Variants in CIAO3 observed in about 807,000 individuals in gnomAD.
CIAO3 encodes the protein cytosolic iron-sulfur assembly component 3, also known as LET1 like/JFP15.
A neutral mutation model predicts 51.5 loss-of-function variants in CIAO3; 45 were observed. The observed-to-expected ratio is 0.87, with a 90% confidence interval of 0.69 to 1.12. The LOEUF (loss-of-function observed/expected upper bound fraction) is 1.12. Among genes scored for constraint, CIAO3 ranks in the 50% most tolerant of loss-of-function variants. CIAO3 has a pLI of 0.00. For synonymous variants in CIAO3, 314 were observed against 269.3 expected (o/e 1.17, Z -1.63); for missense variants, 668 against 632.5 (o/e 1.06, Z -0.60).
chr16:736,722 G>A (rs1296345204), intron 3 of CIAO3, among the ~76,000 whole-genome samples: 1 of 152,068 alleles, frequency 6.6e-6, no homozygotes, highest in South Asian at 2.1e-4. Flanking sequence ...GGTGTGTAAT[G>A]GCGCAATCTC....
In CIAO3 at chr16:737,402, C is replaced by T. The variant is rs1248239282; in HGVS notation, c.163-73G>A. ...ACATGGAGACAGAGGATAGTGGAGT[C>T]CAGCTCATAACCGACAACCAACATG... On this transcript the variant is annotated intron_variant, in intron 2 of 10. Transcript: ENST00000251588. The surrounding 1 kb of genome is among the most constrained non-coding windows in gnomAD (Gnocchi z 5.3). 1 of 1,599,292 alleles carries T rather than the reference C, an allele frequency of 6.3e-7. No homozygotes were observed.
At chr16:740,561 A>T in intron 1 of CIAO3, 1 of 354,328 alleles carries the variant, frequency 2.8e-6, no homozygotes. Context: ...GCTGCGACCC[A>T]GGGGTCGGGT....
At chr16:739,841 C>CCTGGCAGAGCCTTCAGGCTG in intron 1 of CIAO3, 103 bp from the exon 2 acceptor site, 1 of 1,317,900 alleles carries the variant, frequency 7.6e-7, no homozygotes, top group Non-Finnish European at 1.1e-6. Context: ...CCTGAAGGCT[C>CCTGGCAGAGCCTTCAGGCTG]TGCCAGGAGC....
intron 10 of CIAO3, 33 bp from the exon 11 acceptor site, chr16:730,688 C>T (rs1223985166): frequency 3.1e-6 from 5 of 1,594,306 alleles, no homozygotes; most frequent in Non-Finnish European, 4.3e-6. Flanking sequence ...GGGGTCACAG[C>T]CTGCGCCCCA....
rs150311222 is a variant in CIAO3 at position 730,558 on chromosome 16, C to A, written c.1290G>T (p.Glu430Asp). The change falls in exon 11 of 11, where the codon GAG becomes GAT. Residue 430 changes from glutamate to aspartate, a missense_variant. Transcript: ENST00000251588. ...GAACCCCAGGCGCGTCCTCGGGCGC[C>A]TCAGCCCGGACCATGCCGTACAGTC... ...VERLYGMVRA[E>D]APEDAPGVQE... The A allele has an allele frequency of 5.0e-5, 81 of 1,610,874 alleles. No individual in the cohort carries two copies. The highest frequency in any genetic ancestry group is 4.4e-5 in the Non-Finnish European group (52 of 1,180,000).
chr16:731,107 G>T, intron 9 of CIAO3, 107 bp from the exon 10 acceptor site: 1 of 1,421,924 alleles, frequency 7.0e-7, no homozygotes. Context: ...TACCTCCCAG[G>T]GCTCTCTCCC....
intron 4 of CIAO3, chr16:735,379 C>T (rs916683485): frequency 2.6e-5 from 4 of 154,486 alleles, no homozygotes; most frequent in Non-Finnish European, 5.7e-5. Flanking sequence ...CCTGATCGTG[C>T]CCTGGACCCA....
At chr16:739,871 G>A (rs1372539535) in intron 1 of CIAO3, 133 bp from the exon 2 acceptor site, 3 of 1,219,322 alleles carry the variant, frequency 2.5e-6, no homozygotes, top group Non-Finnish European at 3.5e-6. Context: ...AGGGACTGAG[G>A]CTGGTCCCAC....
rs554703680 is a variant in CIAO3, at chr16:730,107, C to T, written c.*310G>A. The T allele has an allele frequency of 5.5e-5, 27 of 490,754 alleles. No individual in the cohort carries two copies. The highest frequency in any genetic ancestry group is 1.9e-4 in the African/African-American group (10 of 51,556). 30.4% of individuals were successfully genotyped at this position (490,754 alleles called of 1,614,324 possible). ...GAAGCCCCTCACGCACTTGGGTGCCCGACCAGCAGCAGCAAGGGCAGCACC... is the reference window on the plus strand; with the variant it reads ...GAAGCCCCTCACGCACTTGGGTGCCTGACCAGCAGCAGCAAGGGCAGCACC... On this transcript the variant is annotated 3_prime_UTR_variant, in exon 11 of 11. Coordinates refer to ENST00000251588, the MANE Select transcript of CIAO3 (RefSeq NM_022493.3).
Position 737,843 on chromosome 16 carries a change from A to G in CIAO3, c.163-514T>C, listed in dbSNP as rs1286216636. ...AGACTCGCCAAACAGATGCAGGAAC[A>G]AGGTGTTCCAGTCGGGGGCCTCCGG... On this transcript the variant is annotated intron_variant, in intron 2 of 10. Coordinates refer to ENST00000251588, the MANE Select transcript of CIAO3 (RefSeq NM_022493.3). The surrounding 1 kb of genome is among the most constrained non-coding windows in gnomAD (Gnocchi z 5.3). 4 of 1,184,966 alleles carry G rather than the reference A, an allele frequency of 3.4e-6. No individual in the cohort carries two copies. The African/African-American group carries it at 4.8e-5, about 14-fold the overall frequency. The allele number at this position is 1,184,966 out of a possible 1,614,324, so 73.4% of individuals were successfully genotyped here.
chr16:740,786 C>A, intron 1 of CIAO3, 134 bp downstream of exon 1: 1 of 890,222 alleles, frequency 1.1e-6, no homozygotes, highest in Admixed American at 2.4e-5. Context: ...TCGATAGAGT[C>A]CCTGACGGCC....
chr16:731,035 C>A, intron 9 of CIAO3, 35 bp from the exon 10 acceptor site: 2 of 1,609,052 alleles, frequency 1.2e-6, no homozygotes, highest in Non-Finnish European at 8.5e-7. Context: ...CTACATGGCA[C>A]ACCCACCAGG....
At chr16:739,875 G>T in intron 1 of CIAO3, 137 bp from the exon 2 acceptor site, 2 of 1,207,126 alleles carry the variant, frequency 1.7e-6, no homozygotes, top group Non-Finnish European at 2.4e-6. Context: ...ACTGAGGCTG[G>T]TCCCACCGTC....
rs772317595 is a variant in CIAO3, at chr16:739,661, G to A, written c.144C>T (p.Ser48=). ...VAKIRIEDDG[S]YFQINQDGGT... is the part of the protein sequence containing the mutation. Reference sequence around the variant, plus strand: ...GCCTTACTTGGTTAATTTGGAAGTAGCTCCCGTCATCTTCAATGCGAATCT... The same window carrying A: ...GCCTTACTTGGTTAATTTGGAAGTAACTCCCGTCATCTTCAATGCGAATCT... The change falls in exon 2 of 11, where the codon AGC becomes AGT. Residue 48 remains serine, a synonymous_variant. Transcript: ENST00000251588. 1.1e-5 allele frequency: 18 copies of A among 1,614,154 alleles called. No homozygotes were observed. Among genetic ancestry groups the A allele is most frequent in the Non-Finnish European group, 1.5e-5 (18 of 1,180,022 alleles).
In CIAO3 at chr16:733,383, G is replaced by A. The variant is rs776762923; in HGVS notation, c.738C>T (p.Cys246=). ...TGGAGGCTTCCAGCTTTTTGTCATA[G>A]CAGGGCATCACTGTGACGTGGTAGA... ...DKIYHVTVMP[C]YDKKLEASRP... is the part of the protein sequence containing the mutation. The change falls in exon 7 of 11, where the codon TGC becomes TGT. Residue 246 remains cysteine, a synonymous_variant. Transcript: ENST00000251588. 6.2e-7 allele frequency: 1 copy of A among 1,613,784 alleles called. No homozygotes were observed.
chr16:738,104 G>A, intron 2 of CIAO3: 1 of 1,026,892 alleles, frequency 9.7e-7, no homozygotes, highest in South Asian at 3.5e-5. Context: ...CGTTGGTTCT[G>A]CCCCAAGGCA....
Position 731,669 on chromosome 16 carries a change from G to C in CIAO3, c.930C>G (p.Ser310Arg). ...AGCCCCCCGAGCCCCCTCCCCGATG[G>C]CTGGTGGGCTCCTCTGCAGAGGCAC... ...CSGASAEEPT[S>R]HRGGGSGGYL... The change falls in exon 9 of 11, where the codon AGC becomes AGG. Residue 310 changes from serine (S) to arginine (R), a missense_variant. Transcript: ENST00000251588. 2 of 1,558,138 alleles carry C rather than the reference G, an allele frequency of 1.3e-6. No individual in the cohort carries two copies. The highest frequency in any genetic ancestry group is 1.9e-5 in the Admixed American group (1 of 52,730).
At chr16:732,810 G>C (rs988457600) in intron 7 of CIAO3, 3 of 326,040 alleles carry the variant, frequency 9.2e-6, no homozygotes, top group African/African-American at 6.5e-5. Context: ...GCTAATTTTC[G>C]TATTTTTAGT....
intron 5 of CIAO3, 142 bp from the exon 6 acceptor site, chr16:734,489 C>G (rs1054469020): frequency 1.2e-6 from 1 of 844,908 alleles, no homozygotes; most frequent in Non-Finnish European, 1.9e-6. Flanking sequence ...CCTGTTCTCC[C>G]CACCACCACG....
Sources: gnomAD v4.1 joint callset for allele counts (sites outside exome capture counted in the v4.1 genomes callset) on GRCh38, gnomAD v4.1.1 for gene constraint, Gnocchi (gnomAD v3.1) non-coding constraint, MANE v1.5 for transcripts, NCBI Gene and HGNC (gene_info 2026-07-23, HGNC 2026-07-21) for gene names.